The following FHIT variants were observed in gnomAD, a reference collection of about 807,000 sequenced individuals.
The protein encoded by FHIT is fragile histidine triad diadenosine triphosphatase.
FHIT carries 19 observed loss-of-function variants against 17.9 expected under a neutral mutation model. That is an observed-to-expected ratio of 1.06 (90% CI 0.74 to 1.56). The LOEUF is 1.56. FHIT is among the 40% of genes most tolerant of loss of function. FHIT has a pLI of 0.00. For missense variants in FHIT, 248 were observed against 189.2 expected, an observed-to-expected ratio of 1.31 and a Z score of -1.82; for synonymous variants, 81 against 69.7, an observed-to-expected ratio of 1.16 and a Z score of -0.81.
chr3:59,854,601 C>G (rs1440139548), intron 8 of FHIT, among the ~76,000 whole-genome samples: 2 of 152,152 alleles, frequency 1.3e-5, no homozygotes, highest in Non-Finnish European at 1.5e-5. Flanking sequence ...AGGGCAGAAT[C>G]CAGAGCTTAT....
intron 4 of FHIT, among the ~76,000 whole-genome samples, chr3:60,743,844 C>T (rs1243533792): frequency 6.6e-6 from 1 of 152,174 alleles, no homozygotes; most frequent in Non-Finnish European, 1.5e-5. Flanking sequence ...TTCTCTTTCA[C>T]GGGGTTTTTT....
At chr3:61,065,635 G>C (rs1171588053) in intron 2 of FHIT, among the ~76,000 whole-genome samples, 1 of 151,896 alleles carries the variant, frequency 6.6e-6, no homozygotes, top group African/African-American at 2.4e-5. Flanking sequence ...ATAAACATCA[G>C]GGACAACTTA....
At chr3:59,877,079 T>C (rs1703197271) in intron 8 of FHIT, among the ~76,000 whole-genome samples, 1 of 152,176 alleles carries the variant, frequency 6.6e-6, no homozygotes, top group Non-Finnish European at 1.5e-5. Context: ...TGTGCTAACC[T>C]TGAGCCAGAA....
chr3:60,960,989 A>T (rs1553780585), intron 3 of FHIT, among the ~76,000 whole-genome samples: 1 of 152,186 alleles, frequency 6.6e-6, no homozygotes, highest in Non-Finnish European at 1.5e-5. Flanking sequence ...CTAGTTCTAG[A>T]TCCTTGAAGA....
intron 3 of FHIT, among the ~76,000 whole-genome samples, chr3:60,981,498 A>G (rs1710493670): frequency 6.6e-6 from 1 of 151,702 alleles, no homozygotes; most frequent in Non-Finnish European, 1.5e-5. Context: ...TTTCGTAGAG[A>G]TGGGGTTTCA....
At chr3:60,548,717 T>G (rs1347561145) in intron 4 of FHIT, among the ~76,000 whole-genome samples, 1 of 151,714 alleles carries the variant, frequency 6.6e-6, no homozygotes, top group African/African-American at 2.4e-5. Flanking sequence ...TGCATAAACC[T>G]GTATTTTAAC....
At chr3:60,507,925 G>A (rs2034800212) in intron 5 of FHIT, among the ~76,000 whole-genome samples, 1 of 152,158 alleles carries the variant, frequency 6.6e-6, no homozygotes, top group South Asian at 2.1e-4. Context: ...GTCTACCACT[G>A]ATGAGCATTT....
At chr3:60,614,537 G>C (rs1553674914) in intron 4 of FHIT, among the ~76,000 whole-genome samples, 1 of 152,104 alleles carries the variant, frequency 6.6e-6, no homozygotes, top group Non-Finnish European at 1.5e-5. Context: ...CCGGGAGGCA[G>C]AGGTTGCAGT....
intron 4 of FHIT, among the ~76,000 whole-genome samples, chr3:60,810,008 T>G (rs1701522248): frequency 6.6e-6 from 1 of 152,160 alleles, no homozygotes; most frequent in Non-Finnish European, 1.5e-5. Flanking sequence ...CAGAAAGGAT[T>G]AACCCACACA....
At chr3:60,007,852 A>C (rs4679625) in intron 7 of FHIT, among the ~76,000 whole-genome samples, 54,971 of 152,014 alleles carry the variant, frequency 0.36, 11,251 homozygotes, top group East Asian at 0.51. Context: ...AGGTCTTATG[A>C]CCTACTTGCA....
intron 5 of FHIT, among the ~76,000 whole-genome samples, chr3:60,429,846 G>A (rs1559906134): frequency 6.6e-6 from 1 of 152,074 alleles, no homozygotes; most frequent in East Asian, 1.9e-4. Context: ...GAGGCTAAGT[G>A]AGGAGGTGGA....
intron 7 of FHIT, among the ~76,000 whole-genome samples, chr3:59,931,062 C>T (rs996879947): frequency 3.9e-5 from 6 of 152,156 alleles, no homozygotes; most frequent in South Asian, 4.1e-4. Flanking sequence ...AGTATCCCAA[C>T]GCATAAGACT....
At chr3:59,986,219 A>G (rs1261027612) in intron 7 of FHIT, among the ~76,000 whole-genome samples, 1 of 152,000 alleles carries the variant, frequency 6.6e-6, no homozygotes, top group African/African-American at 2.4e-5. Flanking sequence ...AGGAAAGAAG[A>G]AAAAGAATTT....
intron 3 of FHIT, among the ~76,000 whole-genome samples, chr3:61,014,862 A>G (rs2032019703): frequency 6.9e-6 from 1 of 145,950 alleles, no homozygotes; most frequent in Non-Finnish European, 1.5e-5. Flanking sequence ...ATATGTATAT[A>G]TATGCATGTA....
At chr3:60,843,441 G>T (rs915352593) in intron 3 of FHIT, among the ~76,000 whole-genome samples, 2 of 152,110 alleles carry the variant, frequency 1.3e-5, no homozygotes, top group African/African-American at 4.8e-5. Context: ...ATGCCACCTA[G>T]AGACAAAATT....
At chr3:61,064,518 G>T (rs2034535997) in intron 2 of FHIT, among the ~76,000 whole-genome samples, 1 of 152,068 alleles carries the variant, frequency 6.6e-6, no homozygotes. Context: ...ACTATTAGTT[G>T]GGTGTTCTGT....
chr3:60,157,433 G>A (rs1177272212), intron 5 of FHIT, among the ~76,000 whole-genome samples: 2 of 152,134 alleles, frequency 1.3e-5, no homozygotes, highest in African/African-American at 2.4e-5. Flanking sequence ...GTTTTGATTA[G>A]ATGACCTCTT....
At chr3:61,091,036 T>G (rs964003805) in intron 2 of FHIT, among the ~76,000 whole-genome samples, 4 of 152,182 alleles carry the variant, frequency 2.6e-5, no homozygotes, top group African/African-American at 4.8e-5. Context: ...AAACAGAAAC[T>G]CCATTTAACT....
intron 2 of FHIT, among the ~76,000 whole-genome samples, chr3:61,055,096 G>C (rs2034171519): frequency 6.6e-6 from 1 of 151,540 alleles, no homozygotes; most frequent in African/African-American, 2.4e-5. Context: ...TCTTTTGTTT[G>C]TTTGTTTGTT....
Sources: gnomAD v4.1 joint callset for allele counts (sites outside exome capture counted in the v4.1 genomes callset) on GRCh38, gnomAD v4.1.1 for gene constraint, MANE v1.5 for transcripts, NCBI Gene and HGNC (gene_info 2026-07-23, HGNC 2026-07-21) for gene names.